Variants in RADX observed in about 807,000 individuals in gnomAD.
RADX encodes the protein RPA1 related single stranded DNA binding protein, X-linked.
In RADX, 36 loss-of-function variants were observed where a neutral mutation model predicts 61.6. The observed-to-expected ratio is 0.58, with a 90% CI of 0.45 to 0.77. RADX has a LOEUF of 0.77. RADX is among the 30% of genes least tolerant of loss of function. The pLI, the probability that RADX is intolerant of heterozygous loss-of-function variation, is 0.00. For synonymous variants in RADX, 272 were observed against 237.9 expected (o/e 1.14, Z -1.32); for missense variants, 497 against 651.1 (o/e 0.76, Z 2.58).
chrX:106,621,474 A>G (rs1202863804), intron 1 of RADX, among the ~76,000 whole-genome samples: 1 of 112,171 alleles, frequency 8.9e-6, no homozygotes, highest in Non-Finnish European at 1.9e-5. Context: ...GTGGGCTGTG[A>G]GAGAGAAAAA....
At chrX:106,657,574 A>G (rs984349215) in intron 11 of RADX, among the ~76,000 whole-genome samples, 3 of 111,960 alleles carry the variant, frequency 2.7e-5, no homozygotes, top group African/African-American at 9.7e-5. Context: ...TTGATTTGAA[A>G]TGAGAGATGT....
chrX:106,675,475 G>A (rs1026069056), intron 13 of RADX, among the ~76,000 whole-genome samples: 23 of 112,498 alleles, frequency 2.0e-4, no homozygotes, highest in African/African-American at 5.8e-4. Context: ...TTCTAGGGTC[G>A]TCAAGGCAGA....
chrX:106,647,572 T>C (rs971868644), intron 10 of RADX, among the ~76,000 whole-genome samples: 1 of 111,235 alleles, frequency 9.0e-6, no homozygotes, highest in African/African-American at 3.3e-5. Context: ...CTCCAAACTG[T>C]CTTCATAGTG....
intron 11 of RADX, among the ~76,000 whole-genome samples, chrX:106,659,979 G>T (rs1928049034): frequency 9.0e-6 from 1 of 111,586 alleles, no homozygotes; most frequent in African/African-American, 3.2e-5. Flanking sequence ...TTAAAAATTA[G>T]AATAGCATAT....
chrX:106,645,716 G>T (rs1187676811), intron 10 of RADX, among the ~76,000 whole-genome samples: 1 of 111,523 alleles, frequency 9.0e-6, no homozygotes, highest in Non-Finnish European at 1.9e-5. Context: ...GGAAAAGAAT[G>T]TGTATTCTGC....
chrX:106,637,033 A>T (rs1049136072), intron 7 of RADX, among the ~76,000 whole-genome samples: 3 of 111,695 alleles, frequency 2.7e-5, no homozygotes, highest in Non-Finnish European at 5.7e-5. Flanking sequence ...TGAGTGTCAA[A>T]TTTTAGCCCC....
At chrX:106,618,544 G>A (rs1926865917) in intron 1 of RADX, among the ~76,000 whole-genome samples, 1 of 110,966 alleles carries the variant, frequency 9.0e-6, no homozygotes, top group Admixed American at 9.6e-5. Flanking sequence ...GGAGACCACG[G>A]CGAGCGGATT....
intron 11 of RADX, among the ~76,000 whole-genome samples, chrX:106,651,938 T>A: frequency 9.1e-6 from 1 of 110,204 alleles, no homozygotes; most frequent in Non-Finnish European, 1.9e-5. Flanking sequence ...TTCCTGCACT[T>A]GGGGAGTCTG....
At chrX:106,673,221 G>A (rs1372457274) in intron 13 of RADX, among the ~76,000 whole-genome samples, 1 of 111,508 alleles carries the variant, frequency 9.0e-6, no homozygotes, top group Non-Finnish European at 1.9e-5. Context: ...CACCACAGCT[G>A]AGAATGTGCT....
chrX:106,612,156 C>T lies in RADX; in HGVS notation c.76C>T (p.Arg26Trp), dbSNP rs1167035780. ...AGATTGGCCGAACCCTGAGAGGAAT[C>T]GGGCTGGGGTCCCGGGAGGGGTGAT... ...GLDWPNPERNRAGVPGGVIRR... is the reference protein window; with the variant it reads ...GLDWPNPERNWAGVPGGVIRR... Residue 26 changes from arginine (R) to tryptophan (W), a missense_variant, in exon 1 of 14, where the codon CGG becomes TGG. By Grantham distance (101) the Arg-to-Trp change is moderately radical (BLOSUM62 -3). Transcript: ENST00000372548. The T allele has an allele frequency of 1.7e-6, 2 of 1,211,637 alleles. No homozygotes were observed. Among genetic ancestry groups the T allele is most frequent in the African/African-American group, 1.7e-5 (1 of 57,826 alleles).
Position 106,619,304 on chromosome X carries a change from C to T in RADX, c.644-3347C>T, listed in dbSNP as rs1003433132. Among the ~76,000 whole-genome samples the T allele has an allele frequency of 5.4e-5, 6 of 111,485 alleles. No homozygotes were observed. The South Asian group carries it at 2.2e-3, about 42-fold the overall frequency. On this transcript the variant is annotated intron_variant, in intron 1 of 13. Coordinates refer to ENST00000372548, the MANE Select transcript of RADX (RefSeq NM_018015.6). ...GAATAAGAGAAGATATTTAGGACTC[C>T]ACTTGATCATGGCACAGTTGTCTTT...
chrX:106,611,991 T>G lies in RADX; in HGVS notation c.-90T>G. 9.9e-7 allele frequency: 1 copy of G among 1,007,646 alleles called. No individual in the cohort carries two copies. The highest frequency in any genetic ancestry group is 1.4e-6 in the Non-Finnish European group (1 of 738,242). 83.0% of individuals were successfully genotyped at this position (1,007,646 alleles called of 1,213,427 possible). On this transcript the variant is annotated 5_prime_UTR_variant, in exon 1 of 14. Coordinates refer to ENST00000372548, the MANE Select transcript of RADX (RefSeq NM_018015.6). The stretch of plus-strand genomic sequence containing the variant: ...CCTGTCAGCAGGGGCAGAGTAGCGA[T>G]CGTCGCCAAAGCGCGCGGTTTTATT...
intron 8 of RADX, among the ~76,000 whole-genome samples, chrX:106,639,010 C>T (rs1927437989): frequency 9.0e-6 from 1 of 111,475 alleles, no homozygotes; most frequent in Admixed American, 9.5e-5. Context: ...GAGAAGCCTA[C>T]TATTAATATA....
chrX:106,615,211 C>T (rs1001718653), intron 1 of RADX, among the ~76,000 whole-genome samples: 1 of 112,135 alleles, frequency 8.9e-6, no homozygotes, highest in African/African-American at 3.2e-5. Flanking sequence ...TTTTGTCTTT[C>T]CAGACATGAT....
At chrX:106,665,735 G>C (rs1036468783) in intron 12 of RADX, among the ~76,000 whole-genome samples, 2 of 111,966 alleles carry the variant, frequency 1.8e-5, no homozygotes, top group African/African-American at 6.5e-5. Context: ...AGAAGACCTC[G>C]TAATTTTGAA....
chrX:106,668,690 C>T (rs1928290051), intron 12 of RADX, among the ~76,000 whole-genome samples: 1 of 111,446 alleles, frequency 9.0e-6, no homozygotes, highest in South Asian at 3.8e-4. Context: ...AGTGTGCGAA[C>T]CTTGTCTTGT....
chrX:106,661,364 T>C (rs750169268), intron 11 of RADX, among the ~76,000 whole-genome samples: 1 of 100,982 alleles, frequency 9.9e-6, no homozygotes, highest in African/African-American at 4.5e-5. Context: ...GTTTTGTTTT[T>C]TTTTCTTGTT....
intron 2 of RADX, among the ~76,000 whole-genome samples, chrX:106,623,075 T>G (rs1380048416): frequency 9.0e-6 from 1 of 111,231 alleles, no homozygotes; most frequent in Non-Finnish European, 1.9e-5. Flanking sequence ...CTATGCTTTC[T>G]GTGCCAATAT....
intron 13 of RADX, among the ~76,000 whole-genome samples, chrX:106,670,446 C>T (rs1484732900): frequency 5.5e-5 from 6 of 110,022 alleles, no homozygotes; most frequent in Non-Finnish European, 7.6e-5. Flanking sequence ...AGTGCTAGTG[C>T]CAGTATTCTT....
Sources: allele counts gnomAD v4.1 joint callset (sites outside exome capture counted in the v4.1 genomes callset), GRCh38; gene constraint gnomAD v4.1.1; transcripts MANE v1.5; gene names NCBI Gene and HGNC (gene_info 2026-07-23, HGNC 2026-07-21).